Variants in FOXP2 observed in about 807,000 individuals in gnomAD.
FOXP2 encodes the protein forkhead box P2, also known as forkhead box protein P2.
Under a neutral mutation model 115.8 loss-of-function variants are expected in FOXP2, and 12 were observed. That is an observed-to-expected ratio of 0.10 (90% CI 0.07 to 0.17). The LOEUF (loss-of-function observed/expected upper bound fraction) is 0.17, where lower values mean the gene tolerates loss of function less well. FOXP2 is among the 10% of genes least tolerant of loss of function. The probability of loss-of-function intolerance (pLI) is 1.00; values close to 1 mark genes in which losing one functional copy is unlikely to be tolerated. For missense variants in FOXP2, 629 were observed against 843.5 expected (o/e 0.75, Z 3.15); for synonymous variants, 328 against 297.7 (o/e 1.10, Z -1.05).
intron 3 of FOXP2, among the ~76,000 whole-genome samples, chr7:114,536,397 C>CTTTTTTTTTTTTTTTTT (rs3997242): frequency 2.7e-5 from 3 of 112,366 alleles, no homozygotes; most frequent in Non-Finnish European, 5.5e-5. Flanking sequence ...TTTTTCTTTT[C>CTTTTTTTTTTTTTTTTT]TTTTTTTTTT....
intron 1 of FOXP2, among the ~76,000 whole-genome samples, chr7:114,272,569 C>A (rs1424877262): frequency 6.6e-6 from 1 of 151,746 alleles, no homozygotes; most frequent in Non-Finnish European, 1.5e-5. Flanking sequence ...TAGACATAGG[C>A]CTATTCTGGT....
chr7:114,269,112 C>T (rs1023954417), intron 1 of FOXP2, among the ~76,000 whole-genome samples: 4 of 152,072 alleles, frequency 2.6e-5, no homozygotes, highest in African/African-American at 9.7e-5. Flanking sequence ...AGGGCCTATA[C>T]TTTATGCACA....
At chr7:114,524,872 T>C (rs1200895310) in intron 2 of FOXP2, among the ~76,000 whole-genome samples, 1 of 152,210 alleles carries the variant, frequency 6.6e-6, no homozygotes, top group Non-Finnish European at 1.5e-5. Flanking sequence ...ATTGTATATG[T>C]GCATATTCAT....
chr7:114,126,730 A>G (rs1791720605), intron 1 of FOXP2, among the ~76,000 whole-genome samples: 1 of 152,168 alleles, frequency 6.6e-6, no homozygotes, highest in Admixed American at 6.6e-5. Flanking sequence ...ATGAATGAGT[A>G]GGAACCTATG....
At chr7:114,220,705 A>G (rs1794599258) in intron 1 of FOXP2, among the ~76,000 whole-genome samples, 1 of 152,198 alleles carries the variant, frequency 6.6e-6, no homozygotes, top group Admixed American at 6.5e-5. Flanking sequence ...TTTTAGTCAA[A>G]GAAACACCAC....
intron 10 of FOXP2, 112 bp from the exon 11 acceptor site, chr7:114,657,954 T>G (rs1306291854): frequency 8.9e-7 from 1 of 1,129,492 alleles, no homozygotes; most frequent in Non-Finnish European, 1.3e-6. Flanking sequence ...CTTTTGCAGC[T>G]TATTAGTGGC....
chr7:114,543,030 C>T (rs1854774642), intron 3 of FOXP2, among the ~76,000 whole-genome samples: 1 of 151,950 alleles, frequency 6.6e-6, no homozygotes, highest in Admixed American at 6.6e-5. Flanking sequence ...GATCCACCCA[C>T]CTTGGCCTCC....
intron 1 of FOXP2, among the ~76,000 whole-genome samples, chr7:114,176,288 CTTTCTT>C (rs1256024461): frequency 5.0e-4 from 21 of 42,190 alleles, no homozygotes; most frequent in Middle Eastern, 0.011. Context: ...TTCTTTCTTT[CTTTCTT>C]TCTTTCTCTC....
At chr7:114,341,648 A>T (rs1791220171) in intron 2 of FOXP2, among the ~76,000 whole-genome samples, 1 of 151,300 alleles carries the variant, frequency 6.6e-6, no homozygotes, top group African/African-American at 2.4e-5. Context: ...GGTAATTTTC[A>T]TTTCTCTATT....
At chr7:114,308,871 C>G (rs980331094) in intron 2 of FOXP2, among the ~76,000 whole-genome samples, 2 of 152,152 alleles carry the variant, frequency 1.3e-5, no homozygotes, top group African/African-American at 4.8e-5. Flanking sequence ...CAAAAAGTCT[C>G]AACAGCAGTG....
intron 2 of FOXP2, among the ~76,000 whole-genome samples, chr7:114,392,332 T>C (rs1310906598): frequency 6.6e-6 from 1 of 152,202 alleles, no homozygotes; most frequent in Non-Finnish European, 1.5e-5. Flanking sequence ...ACCTAGGAAC[T>C]AGGGTGATGC....
chr7:114,542,859 C>T (rs1441219420), intron 3 of FOXP2, among the ~76,000 whole-genome samples: 1 of 149,026 alleles, frequency 6.7e-6, no homozygotes, highest in African/African-American at 2.5e-5. Context: ...GGCAAGATTT[C>T]CTCTCACTGC....
chr7:114,369,678 A>G (rs1246245303), intron 2 of FOXP2, among the ~76,000 whole-genome samples: 2 of 152,184 alleles, frequency 1.3e-5, no homozygotes, highest in Non-Finnish European at 2.9e-5. Flanking sequence ...CAGAATATAG[A>G]TTTTGTCCAT....
chr7:114,153,621 A>G (rs757597254), intron 1 of FOXP2, among the ~76,000 whole-genome samples: 1 of 152,100 alleles, frequency 6.6e-6, no homozygotes, highest in Non-Finnish European at 1.5e-5. Context: ...GACATAGTGC[A>G]TTATATTTGC....
intron 2 of FOXP2, among the ~76,000 whole-genome samples, chr7:114,440,280 A>G (rs1794542886): frequency 6.6e-6 from 1 of 152,194 alleles, no homozygotes; most frequent in Admixed American, 6.5e-5. Context: ...GGCAAAGTTC[A>G]TAGTTACTTA....
chr7:114,297,201 CT>C, intron 2 of FOXP2: 3 of 485,500 alleles, frequency 6.2e-6, no homozygotes, highest in Non-Finnish European at 1.2e-5. Context: ...TGTCCCCACC[CT>C]TTTCTCGATG....
intron 3 of FOXP2, among the ~76,000 whole-genome samples, chr7:114,620,887 TG>T (rs550699091): frequency 1.1e-3 from 165 of 152,136 alleles, no homozygotes; most frequent in African/African-American, 3.8e-3. Context: ...TTAAAAGTTA[TG>T]GGAAATGTTA....
intron 8 of FOXP2, among the ~76,000 whole-genome samples, chr7:114,647,693 C>G (rs891892238): frequency 2.6e-5 from 4 of 151,980 alleles, no homozygotes; most frequent in African/African-American, 7.2e-5. Context: ...TTCTTCATTA[C>G]TGTCTTATAA....
chr7:114,253,707 C>G (rs1278150164), intron 1 of FOXP2, among the ~76,000 whole-genome samples: 1 of 152,128 alleles, frequency 6.6e-6, no homozygotes, highest in Admixed American at 6.5e-5. Context: ...AGATGGGTCT[C>G]CTGAATACAG....
Sources: gnomAD v4.1 joint callset for allele counts (sites outside exome capture counted in the v4.1 genomes callset) on GRCh38, gnomAD v4.1.1 for gene constraint, MANE v1.5 for transcripts, NCBI Gene and HGNC (gene_info 2026-07-23, HGNC 2026-07-21) for gene names.